The following NDC1 variants were observed in gnomAD, a reference collection of about 807,000 sequenced individuals.
NDC1 encodes nucleoporin NDC1.
Under a neutral mutation model 89.8 loss-of-function variants are expected in NDC1, and 24 were observed. The ratio of observed to expected loss-of-function variants is 0.27; its 90% CI spans 0.19 to 0.38. The LOEUF is 0.38. Ranked by LOEUF, NDC1 falls within the 10% of genes least tolerant of loss-of-function variation. The probability of loss-of-function intolerance (pLI) is 1.00; values close to 1 mark genes in which losing one functional copy is unlikely to be tolerated. For missense variants in NDC1, 728 were observed against 797.6 expected (o/e 0.91, Z 1.05); for synonymous variants, 296 against 284.8 (o/e 1.04, Z -0.39).
Position 53,806,471 on chromosome 1 carries a change from T to C in NDC1, c.938A>G (p.Glu313Gly), listed in dbSNP as rs1648113875. Reference protein sequence around the residue: ...VQPPFAEGSDECLPKVLNSNP... With the variant: ...VQPPFAEGSDGCLPKVLNSNP... ...GCTATTTAACACTTTTGGAAGGCAC[T>C]CATCTGACCCTTCTGCAAATGGTGG... Residue 313 changes from glutamate to glycine, a missense_variant, in exon 9 of 18, where the codon GAG becomes GGG. Physicochemically the swap from Glu to Gly is moderately conservative, Grantham distance 98. Transcript: ENST00000371429. 1 of 1,531,888 alleles carries C rather than the reference T, an allele frequency of 6.5e-7. No homozygotes were observed. The highest frequency in any genetic ancestry group is 8.7e-7 in the Non-Finnish European group (1 of 1,146,446). The allele number at this position is 1,531,888 out of a possible 1,614,324, so 94.9% of individuals were successfully genotyped here.
At chr1:53,814,617 T>C (rs1648418592) in intron 6 of NDC1, among the ~76,000 whole-genome samples, 1 of 151,738 alleles carries the variant, frequency 6.6e-6, no homozygotes, top group Non-Finnish European at 1.5e-5. Flanking sequence ...TAAATGAATT[T>C]GAAACAAAAA....
intron 12 of NDC1, 46 bp downstream of exon 12, chr1:53,796,853 C>G (rs767751708): frequency 6.2e-7 from 1 of 1,607,644 alleles, no homozygotes; most frequent in South Asian, 1.1e-5. Context: ...CTGTCTGATC[C>G]TCTGCAACAT....
chr1:53,807,565 T>G, intron 8 of NDC1, 91 bp downstream of exon 8: 1 of 1,070,004 alleles, frequency 9.3e-7, no homozygotes, highest in Non-Finnish European at 1.3e-6. Context: ...CGGAAATGGT[T>G]TTGCGTGTGC....
chr1:53,825,669 A>T, intron 5 of NDC1, 129 bp downstream of exon 5: 1 of 761,132 alleles, frequency 1.3e-6, no homozygotes, highest in Non-Finnish European at 2.1e-6. Context: ...TGGCATTTTG[A>T]GGATTTCAGT....
chr1:53,820,297 A>G (rs1648622024), intron 5 of NDC1, among the ~76,000 whole-genome samples: 1 of 152,096 alleles, frequency 6.6e-6, no homozygotes, highest in Admixed American at 6.6e-5. Context: ...GCAAAAAAAA[A>G]TCTCATAATG....
chr1:53,803,154 C>T (rs1647978020), intron 10 of NDC1, among the ~76,000 whole-genome samples: 1 of 152,140 alleles, frequency 6.6e-6, no homozygotes, highest in Non-Finnish European at 1.5e-5. Flanking sequence ...CAGTATCAAC[C>T]TCCTGGGCTC....
At chr1:53,825,354 C>T (rs936765200) in intron 5 of NDC1, among the ~76,000 whole-genome samples, 2 of 150,532 alleles carry the variant, frequency 1.3e-5, no homozygotes, top group Non-Finnish European at 2.9e-5. Flanking sequence ...CATGTGGAGG[C>T]TGAGGCAGGA....
intron 9 of NDC1, among the ~76,000 whole-genome samples, 187 bp downstream of exon 9, chr1:53,806,238 G>C (rs1223520015): frequency 6.6e-6 from 1 of 152,114 alleles, no homozygotes; most frequent in African/African-American, 2.4e-5. Flanking sequence ...CTGTGCACTT[G>C]CATTTTAGTC....
At chr1:53,769,570 T>G (rs1035128823) in intron 17 of NDC1, among the ~76,000 whole-genome samples, 1 of 152,236 alleles carries the variant, frequency 6.6e-6, no homozygotes, top group Non-Finnish European at 1.5e-5. Context: ...TAGTGTTGAA[T>G]GAATGTCTCC....
intron 16 of NDC1, among the ~76,000 whole-genome samples, chr1:53,785,908 C>T (rs78768880): frequency 0.051 from 7,750 of 151,214 alleles, 561 homozygotes; most frequent in African/African-American, 0.16. Flanking sequence ...TATTTTTATT[C>T]ATTTATTTAT....
At chr1:53,834,821 T>C (rs1473791323) in intron 2 of NDC1, among the ~76,000 whole-genome samples, 4 of 152,100 alleles carry the variant, frequency 2.6e-5, no homozygotes, top group African/African-American at 9.7e-5. Context: ...TTAAGGAACA[T>C]TTTAGGCCAG....
Position 53,796,890 on chromosome 1 carries a change from A to C in NDC1, c.1468+9T>G. 1.9e-6 allele frequency: 3 copies of C among 1,611,516 alleles called. No homozygotes were observed. Among genetic ancestry groups the C allele is most frequent in the Non-Finnish European group, 2.5e-6 (3 of 1,179,310 alleles). On this transcript the variant is annotated intron_variant, in intron 12 of 17. Transcript: ENST00000371429. ...ACATTTAAAATCTTAAAAAATATAT[A>C]ATTCTCACCAGAAGCTGATGTCCAC...
intron 5 of NDC1, among the ~76,000 whole-genome samples, chr1:53,821,073 C>T (rs531584230): frequency 2.1e-3 from 315 of 151,930 alleles, no homozygotes; most frequent in Middle Eastern, 0.01. Flanking sequence ...TGAAGAACAG[C>T]AAATAATTAT....
At chr1:53,791,617 A>T (rs1397272711) in intron 14 of NDC1, among the ~76,000 whole-genome samples, 2 of 152,186 alleles carry the variant, frequency 1.3e-5, no homozygotes, top group African/African-American at 4.8e-5. Context: ...ACCATACAAC[A>T]AGTCTATTAA....
intron 6 of NDC1, among the ~76,000 whole-genome samples, chr1:53,810,850 C>T (rs1418798348): frequency 1.3e-5 from 2 of 152,170 alleles, no homozygotes; most frequent in Non-Finnish European, 2.9e-5. Context: ...AGCTCCAGAT[C>T]GACTGCAAGA....
In NDC1 at chr1:53,796,935, T is replaced by A; in HGVS notation, c.1432A>T (p.Ile478Leu). 1 of 1,614,218 alleles carries A rather than the reference T, an allele frequency of 6.2e-7. No individual in the cohort carries two copies. The highest frequency in any genetic ancestry group is 8.5e-7 in the Non-Finnish European group (1 of 1,180,038). Residue 478 changes from isoleucine to leucine, a missense_variant, in exon 12 of 18, where the codon ATA (isoleucine) becomes TTA (leucine). Transcript: ENST00000371429. The stretch of plus-strand genomic sequence containing the variant: ...GTCCACAATCTTGGCCCCCTTCTTA[T>A]TAGCTGAGGACTTTGCGGTGACCCA... ...CYGSPQSPQL[I>L]RRGPRLWTSA...
chr1:53,797,220 A>C, intron 11 of NDC1, 76 bp from the exon 12 acceptor site: 1 of 1,461,746 alleles, frequency 6.8e-7, no homozygotes, highest in South Asian at 1.3e-5. Context: ...CAAATTCTAC[A>C]CATACCAAAT....
chr1:53,804,538 G>A (rs992024214), intron 9 of NDC1, among the ~76,000 whole-genome samples: 4 of 152,056 alleles, frequency 2.6e-5, no homozygotes, highest in African/African-American at 9.7e-5. Flanking sequence ...GTGCAGTGAT[G>A]TGATCTCGGC....
Position 53,767,856 on chromosome 1 carries a change from C to A in NDC1, c.*114G>T. On this transcript the variant is annotated 3_prime_UTR_variant, in exon 18 of 18. Transcript: ENST00000371429. ...AGTATAGTTTTCAAAGCAACCACCA[C>A]GACAAAGGAAGCATCTAATTAGTCC... The A allele has an allele frequency of 2.0e-6, 1 of 511,462 alleles. No individual in the cohort carries two copies. Among genetic ancestry groups the A allele is most frequent in the Non-Finnish European group, 3.4e-6 (1 of 297,188 alleles). 31.7% of individuals were successfully genotyped at this position (511,462 alleles called of 1,614,324 possible). A position where few individuals can be genotyped will look rare whatever the true frequency, so the allele number is the denominator to read the frequency against.
Sources: allele counts gnomAD v4.1 joint callset (sites outside exome capture counted in the v4.1 genomes callset), GRCh38; gene constraint gnomAD v4.1.1; transcripts MANE v1.5; gene names NCBI Gene and HGNC (gene_info 2026-07-23, HGNC 2026-07-21).